Variants in TMTC2 observed in about 807,000 individuals in gnomAD.
The protein encoded by TMTC2 is protein O-mannosyl-transferase TMTC2.
In TMTC2, 43 loss-of-function variants were observed where a neutral mutation model predicts 82.4. The ratio of observed to expected loss-of-function variants is 0.52; its 90% CI spans 0.41 to 0.67. The LOEUF is 0.67. Ranked by LOEUF, TMTC2 falls within the 30% of genes least tolerant of loss-of-function variation. The pLI is 0.00. For missense variants in TMTC2, 919 were observed against 1,012.4 expected, an observed-to-expected ratio of 0.91 and a Z score of 1.25; for synonymous variants, 408 against 381.9, an observed-to-expected ratio of 1.07 and a Z score of -0.80.
At chr12:82,810,821 C>G (rs1050189020) in intron 1 of TMTC2, among the ~76,000 whole-genome samples, 1 of 152,106 alleles carries the variant, frequency 6.6e-6, no homozygotes, top group African/African-American at 2.4e-5. Context: ...GCTCTTCCCC[C>G]TTAGCTGGGC....
rs537159614 is a variant in TMTC2, at chr12:82,806,121, T to A, written c.84-50889T>A. Among the ~76,000 whole-genome samples, 3 of 152,046 alleles carry A rather than the reference T, an allele frequency of 2.0e-5. 1 individual carries two copies. Among genetic ancestry groups the A allele is most frequent in the Non-Finnish European group, 4.4e-5 (3 of 68,018 alleles). On this transcript the variant is annotated intron_variant, in intron 1 of 11. Transcript: ENST00000321196. ...GAGGGGAGGGAAGCACTGGGAGGAA[T>A]TGGAAGGAAATCTTATTTTGTGCGT...
At position 82,896,642 on chromosome 12, in the gene TMTC2, T is replaced by C. The variant is rs780470744; in HGVS notation, c.1479T>C (p.Ala493=). Residue 493 remains alanine, a synonymous_variant, in exon 3 of 12, where the codon GCT becomes GCC. Transcript: ENST00000321196. ...LYRSGIKVNP[A]KAWGNLGNVL... is the part of the protein sequence containing the mutation. ...GATCAGGGATAAAAGTAAACCCAGC[T>C]AAAGGTAATCTTTTATTTTATGCTT... The C allele has an allele frequency of 1.3e-6, 2 of 1,595,234 alleles. No individual in the cohort carries two copies. The highest frequency in any genetic ancestry group is 4.5e-5 in the East Asian group (2 of 44,760).
At chr12:82,787,674 C>T (rs1302662420) in intron 1 of TMTC2, among the ~76,000 whole-genome samples, 2 of 152,004 alleles carry the variant, frequency 1.3e-5, no homozygotes, top group East Asian at 1.9e-4. Context: ...TTTGGGAAGC[C>T]GAGGTGGGTG....
chr12:82,928,920 A>C (rs1247781914), intron 3 of TMTC2, among the ~76,000 whole-genome samples: 1 of 152,220 alleles, frequency 6.6e-6, no homozygotes, highest in Non-Finnish European at 1.5e-5. Context: ...AGATAACATA[A>C]GGGCATAAAG....
chr12:82,701,209 A>G (rs967722226), intron 1 of TMTC2, among the ~76,000 whole-genome samples: 1 of 152,200 alleles, frequency 6.6e-6, no homozygotes, highest in African/African-American at 2.4e-5. Flanking sequence ...TTAGGTAATG[A>G]CATATCTTAA....
intron 1 of TMTC2, among the ~76,000 whole-genome samples, chr12:82,695,160 C>T (rs915815290): frequency 1.3e-5 from 2 of 152,040 alleles, no homozygotes; most frequent in Non-Finnish European, 1.5e-5. Context: ...TTTAAAAATC[C>T]GGTGGGAAGA....
chr12:83,032,255 TTTTATATATATATATATA>T (rs918072306), intron 9 of TMTC2, among the ~76,000 whole-genome samples: 1 of 85,722 alleles, frequency 1.2e-5, no homozygotes, highest in African/African-American at 5.2e-5. Context: ...ATAGAGAATA[TTTTATATATATATATATA>T]TATATATATA....
At chr12:82,909,416 T>G (rs1874500228) in intron 3 of TMTC2, among the ~76,000 whole-genome samples, 1 of 152,174 alleles carries the variant, frequency 6.6e-6, no homozygotes, top group Non-Finnish European at 1.5e-5. Context: ...CTCGGATCAC[T>G]GCAACCTCCA....
intron 8 of TMTC2, among the ~76,000 whole-genome samples, chr12:82,988,429 G>A (rs1309464457): frequency 6.6e-6 from 1 of 152,146 alleles, no homozygotes; most frequent in Non-Finnish European, 1.5e-5. Context: ...GCCAATGAAT[G>A]GAGTATTCAG....
At chr12:82,783,737 G>A (rs1878026043) in intron 1 of TMTC2, among the ~76,000 whole-genome samples, 1 of 152,014 alleles carries the variant, frequency 6.6e-6, no homozygotes, top group African/African-American at 2.4e-5. Context: ...GGATCCTCAA[G>A]GGGGTGATTT....
At chr12:82,724,440 T>C (rs1227111708) in intron 1 of TMTC2, among the ~76,000 whole-genome samples, 1 of 152,122 alleles carries the variant, frequency 6.6e-6, no homozygotes, top group South Asian at 2.1e-4. Context: ...CCCCATGCTG[T>C]TCTAGTGATA....
chr12:82,910,962 C>T (rs570499215), intron 3 of TMTC2, among the ~76,000 whole-genome samples: 2 of 151,810 alleles, frequency 1.3e-5, no homozygotes, highest in Non-Finnish European at 2.9e-5. Context: ...CTCACTGCAA[C>T]CTCCACCACC....
chr12:82,956,970 C>T (rs1405358077), intron 4 of TMTC2, among the ~76,000 whole-genome samples: 2 of 152,070 alleles, frequency 1.3e-5, no homozygotes, highest in African/African-American at 2.4e-5. Flanking sequence ...CAATGTTAGA[C>T]AGATCATTGA....
At chr12:82,781,542 G>C (rs1242725194) in intron 1 of TMTC2, among the ~76,000 whole-genome samples, 1 of 151,146 alleles carries the variant, frequency 6.6e-6, no homozygotes, top group Non-Finnish European at 1.5e-5. Flanking sequence ...ATTGTATTCT[G>C]TAATTCTTCT....
At chr12:82,872,577 T>C (rs554986032) in intron 2 of TMTC2, among the ~76,000 whole-genome samples, 2 of 152,182 alleles carry the variant, frequency 1.3e-5, no homozygotes, top group African/African-American at 2.4e-5. Context: ...TGGGAAATAA[T>C]GAGTCTGCAT....
At chr12:82,788,616 C>T (rs1343013025) in intron 1 of TMTC2, among the ~76,000 whole-genome samples, 1 of 152,068 alleles carries the variant, frequency 6.6e-6, no homozygotes, top group African/African-American at 2.4e-5. Flanking sequence ...AAACTTACTA[C>T]CTTACTTACC....
chr12:82,857,198 A>G lies in TMTC2; in HGVS notation c.272A>G (p.Asn91Ser), dbSNP rs1871301713. 4 of 1,614,012 alleles carry G rather than the reference A, an allele frequency of 2.5e-6. No individual in the cohort carries two copies. The highest frequency in any genetic ancestry group is 1.3e-5 in the African/African-American group (1 of 74,890). Residue 91 changes from asparagine to serine, a missense_variant, in exon 2 of 12, where the codon AAT becomes AGT. Asn to Ser is a conservative substitution (Grantham distance 46). Transcript: ENST00000321196. ...AATCCCTGGAGCTACCATCTTGTCA[A>G]TGTCCTGTTGCATGCAGCAGTCACT... ...GLNPWSYHLV[N>S]VLLHAAVTGL...
chr12:83,003,317 C>T (rs1003409344), intron 8 of TMTC2, among the ~76,000 whole-genome samples: 1 of 152,028 alleles, frequency 6.6e-6, no homozygotes, highest in African/African-American at 2.4e-5. Context: ...GTGTTGATAC[C>T]TGTGAAACAG....
At chr12:82,965,927 G>C (rs1243889869) in intron 6 of TMTC2, 183 bp downstream of exon 6, 1 of 628,090 alleles carries the variant, frequency 1.6e-6, no homozygotes, top group African/African-American at 1.8e-5. Context: ...GATCAAATTT[G>C]TTTAGAAAAA....
Sources: allele counts gnomAD v4.1 joint callset (sites outside exome capture counted in the v4.1 genomes callset), GRCh38; gene constraint gnomAD v4.1.1; transcripts MANE v1.5; gene names NCBI Gene and HGNC (gene_info 2026-07-23, HGNC 2026-07-21).